Variants in HIVEP3 observed in about 807,000 individuals in gnomAD.
The protein encoded by HIVEP3 is HIVEP zinc finger 3.
HIVEP3 carries 49 observed loss-of-function variants against 152.8 expected under a neutral mutation model. The observed-to-expected ratio is 0.32, with a 90% confidence interval of 0.26 to 0.41. HIVEP3 has a LOEUF of 0.41. HIVEP3 is among the 10% of genes least tolerant of loss of function. The pLI is 1.00. For missense variants in HIVEP3, 2,790 were observed against 3,103.3 expected, an observed-to-expected ratio of 0.90 and a Z score of 2.40; for synonymous variants, 1,269 against 1,289.0, an observed-to-expected ratio of 0.98 and a Z score of 0.33.
intron 1 of HIVEP3, among the ~76,000 whole-genome samples, chr1:41,713,596 A>G (rs1234658913): frequency 6.6e-6 from 1 of 152,234 alleles, no homozygotes; most frequent in African/African-American, 2.4e-5. Context: ...TATTGTTTCC[A>G]TTATGGAATC....
chr1:41,956,260 G>A (rs1228507130), intron 1 of HIVEP3, among the ~76,000 whole-genome samples: 2 of 152,196 alleles, frequency 1.3e-5, no homozygotes, highest in African/African-American at 4.8e-5. Context: ...GAGAAACTAA[G>A]GAACATAAGC....
At chr1:41,934,280 T>C (rs1247215111) in intron 1 of HIVEP3, among the ~76,000 whole-genome samples, 5 of 152,164 alleles carry the variant, frequency 3.3e-5, no homozygotes, top group Non-Finnish European at 7.4e-5. Flanking sequence ...TAGAGTTCAT[T>C]AAGCCAGATT....
At chr1:41,971,321 G>C (rs1028292857) in intron 1 of HIVEP3, among the ~76,000 whole-genome samples, 1 of 152,168 alleles carries the variant, frequency 6.6e-6, no homozygotes, top group African/African-American at 2.4e-5. Context: ...AACTACTAGT[G>C]GCTCCCCACT....
intron 1 of HIVEP3, among the ~76,000 whole-genome samples, chr1:41,831,978 G>A (rs1642977332): frequency 6.6e-6 from 1 of 152,168 alleles, no homozygotes; most frequent in South Asian, 2.1e-4. Flanking sequence ...GTTGGAATCT[G>A]GACAGTCAGG....
chr1:41,551,387 T>C (rs969220713), intron 5 of HIVEP3, among the ~76,000 whole-genome samples: 1 of 152,112 alleles, frequency 6.6e-6, no homozygotes, highest in Admixed American at 6.5e-5. Context: ...ATGATGTTGG[T>C]CTCATAGAAT....
intron 3 of HIVEP3, among the ~76,000 whole-genome samples, chr1:41,614,685 A>T (rs1357930656): frequency 6.6e-6 from 1 of 152,242 alleles, no homozygotes; most frequent in Non-Finnish European, 1.5e-5. Flanking sequence ...CCCAGGGGAA[A>T]TGAAAGACCA....
intron 2 of HIVEP3, among the ~76,000 whole-genome samples, chr1:41,668,548 T>C (rs542383154): frequency 6.6e-6 from 1 of 152,322 alleles, no homozygotes; most frequent in Non-Finnish European, 1.5e-5. Flanking sequence ...GCCAGACAGC[T>C]CACTAGTCCG....
At chr1:41,991,708 T>A (rs1184791026) in intron 1 of HIVEP3, among the ~76,000 whole-genome samples, 2 of 151,320 alleles carry the variant, frequency 1.3e-5, no homozygotes, top group African/African-American at 4.9e-5. Flanking sequence ...AAGAGAATTT[T>A]AGACCAATAT....
intron 1 of HIVEP3, among the ~76,000 whole-genome samples, chr1:41,853,460 A>G (rs981886825): frequency 6.6e-6 from 1 of 152,190 alleles, no homozygotes; most frequent in African/African-American, 2.4e-5. Context: ...CTACCAAACA[A>G]TTATAAAACC....
At chr1:41,605,078 C>A (rs1423000653) in intron 3 of HIVEP3, among the ~76,000 whole-genome samples, 1 of 139,006 alleles carries the variant, frequency 7.2e-6, no homozygotes, top group African/African-American at 2.6e-5. Context: ...GCACTCCAGT[C>A]TGGGTGACAG....
Position 41,582,009 on chromosome 1 carries a change from C to T in HIVEP3, c.2789G>A (p.Arg930His), listed in dbSNP as rs755578986. ...SSFESSVPLS[R>H]SPSQESNVSL... is the part of the protein sequence containing the mutation. ...GACATTGCTTTCCTGGCTCGGGCTG[C>T]GAGACAGAGGCACAGAGGACTCGAA... Residue 930 changes from arginine to histidine, a missense_variant, in exon 4 of 9, where the codon CGC becomes CAC. This residue lies in a region of HIVEP3 where 1,078 missense variants were observed against 1,165.3 expected (regional missense o/e 0.93). Coordinates refer to ENST00000372583, the MANE Select transcript of HIVEP3 (RefSeq NM_024503.5). The surrounding 1 kb of genome is among the most constrained non-coding windows in gnomAD (Gnocchi z 4.7). 5.6e-6 allele frequency: 9 copies of T among 1,613,990 alleles called. No individual in the cohort carries two copies. The African/African-American group carries it at 6.7e-5, about 12-fold the overall frequency.
intron 2 of HIVEP3, among the ~76,000 whole-genome samples, chr1:41,637,693 A>G (rs904464927): frequency 1.3e-5 from 2 of 152,212 alleles, no homozygotes; most frequent in Non-Finnish European, 2.9e-5. Context: ...CTTGTCCTGG[A>G]GGGCACTGCA....
intron 2 of HIVEP3, among the ~76,000 whole-genome samples, chr1:41,660,909 T>A (rs1401194100): frequency 6.6e-6 from 1 of 152,160 alleles, no homozygotes; most frequent in Non-Finnish European, 1.5e-5. Context: ...CTGAACACAC[T>A]GGGAAAATCT....
At chr1:41,966,472 A>ATTTTTTTTTTTTTTTTTTTTTTTT (rs1217444785) in intron 1 of HIVEP3, among the ~76,000 whole-genome samples, 1 of 46,542 alleles carries the variant, frequency 2.1e-5, no homozygotes, top group Admixed American at 1.9e-4. Context: ...AGTGTGCTGT[A>ATTTTTTTTTTTTTTTTTTTTTTTT]TTCTTTTTTT....
intron 4 of HIVEP3, among the ~76,000 whole-genome samples, chr1:41,575,955 C>A (rs1224488676): frequency 6.6e-6 from 1 of 152,148 alleles, no homozygotes; most frequent in Non-Finnish European, 1.5e-5. Context: ...CCCATAAGAC[C>A]TGTGTTTGTT....
Position 41,510,863 on chromosome 1 carries a change from T to C in HIVEP3, c.6809A>G (p.Glu2270Gly), listed in dbSNP as rs745675462. ...CCTCTCCTTGGGGTAGTCCCCGCCC[T>C]CCAGCTCTGAGGAGAGTGTGAATTT... The part of the protein sequence containing the change: ...VSKFTLSSEL[E>G]GGDYPKERER... The change falls in exon 9 of 9, where the codon GAG (glutamate) becomes GGG (glycine). Residue 2270 changes from glutamate to glycine, a missense_variant. Glu to Gly is a moderately conservative substitution (Grantham distance 98). Coordinates refer to ENST00000372583, the MANE Select transcript of HIVEP3 (RefSeq NM_024503.5). 4 of 1,613,292 alleles carry C rather than the reference T, an allele frequency of 2.5e-6. No homozygotes were observed. Among genetic ancestry groups the C allele is most frequent in the Non-Finnish European group, 3.4e-6 (4 of 1,179,870 alleles).
chr1:41,517,206 C>T (rs773355106), intron 7 of HIVEP3, among the ~76,000 whole-genome samples: 17 of 152,200 alleles, frequency 1.1e-4, no homozygotes, highest in Non-Finnish European at 2.2e-4. Flanking sequence ...CCTGGTCCAG[C>T]CCACCAGGCA....
intron 7 of HIVEP3, 64 bp from the exon 8 acceptor site, chr1:41,513,814 G>A (rs1229081491): frequency 1.9e-5 from 26 of 1,338,002 alleles, no homozygotes; most frequent in Non-Finnish European, 2.4e-5. Flanking sequence ...CCACACGGCT[G>A]CTCCTCTCTG....
intron 1 of HIVEP3, among the ~76,000 whole-genome samples, chr1:42,010,049 C>G (rs1645484240): frequency 6.6e-6 from 1 of 152,134 alleles, no homozygotes; most frequent in Admixed American, 6.5e-5. Context: ...CACATACCAC[C>G]ATGCCTGGCT....
Sources: gnomAD v4.1 joint callset for allele counts (sites outside exome capture counted in the v4.1 genomes callset) on GRCh38, gnomAD v4.1.1 for gene constraint, gnomAD v4.1.1 regional missense constraint, Gnocchi (gnomAD v3.1) non-coding constraint, MANE v1.5 for transcripts, NCBI Gene and HGNC (gene_info 2026-07-23, HGNC 2026-07-21) for gene names.